The following RAB27B variants were observed in gnomAD, a reference collection of about 807,000 sequenced individuals.
RAB27B encodes RAB27B, member RAS oncogene family.
In RAB27B, 15 loss-of-function variants were observed where a neutral mutation model predicts 24.6. The ratio of observed to expected loss-of-function variants is 0.61; its 90% CI spans 0.41 to 0.94. RAB27B has a LOEUF of 0.94. Ranked by LOEUF, RAB27B falls within the 40% of genes least tolerant of loss-of-function variation. The probability of loss-of-function intolerance (pLI) is 0.00; values close to 1 mark genes in which losing one functional copy is unlikely to be tolerated. For missense variants in RAB27B, 261 were observed against 266.8 expected, an observed-to-expected ratio of 0.98 and a Z score of 0.15; for synonymous variants, 105 against 92.5, an observed-to-expected ratio of 1.14 and a Z score of -0.78.
chr18:54,793,096 GTT>G (rs5825089), intron 2 of RAB27B, among the ~76,000 whole-genome samples: 195 of 147,710 alleles, frequency 1.3e-3, no homozygotes, highest in Middle Eastern at 7.0e-3. Flanking sequence ...ATCAACTGTA[GTT>G]TTTTTTTTTT....
intron 2 of RAB27B, among the ~76,000 whole-genome samples, chr18:54,753,029 G>A (rs748438810): frequency 1.3e-5 from 2 of 152,166 alleles, no homozygotes; most frequent in African/African-American, 2.4e-5. Context: ...GCTAGTGACT[G>A]AGAATTTTGG....
At chr18:54,775,289 T>C (rs547298008) in intron 2 of RAB27B, among the ~76,000 whole-genome samples, 2 of 152,310 alleles carry the variant, frequency 1.3e-5, no homozygotes, top group African/African-American at 4.8e-5. Context: ...ATGGAGCAGC[T>C]GCGCTTCAGA....
intron 2 of RAB27B, among the ~76,000 whole-genome samples, chr18:54,805,295 C>G (rs1253763813): frequency 2.6e-5 from 4 of 152,136 alleles, no homozygotes; most frequent in Non-Finnish European, 5.9e-5. Context: ...TGGCATTCAT[C>G]CGTGGGAAAG....
intron 2 of RAB27B, among the ~76,000 whole-genome samples, chr18:54,729,961 C>A (rs907377184): frequency 6.6e-6 from 1 of 152,116 alleles, no homozygotes; most frequent in Non-Finnish European, 1.5e-5. Flanking sequence ...GCTGAAGACT[C>A]TTTTTCTCCA....
intron 1 of RAB27B, among the ~76,000 whole-genome samples, 181 bp from the exon 2 acceptor site, chr18:54,877,386 G>C (rs1371675720): frequency 6.6e-6 from 1 of 152,100 alleles, no homozygotes; most frequent in East Asian, 1.9e-4. Context: ...GATTTGTACT[G>C]AGTAAAACAT....
intron 1 of RAB27B, among the ~76,000 whole-genome samples, chr18:54,850,869 G>A (rs974397492): frequency 6.6e-6 from 1 of 151,502 alleles, no homozygotes; most frequent in Admixed American, 6.6e-5. Flanking sequence ...AGAGTGTTGT[G>A]TTGTGTTGTA....
intron 2 of RAB27B, among the ~76,000 whole-genome samples, chr18:54,792,574 G>A (rs1909284624): frequency 6.6e-6 from 1 of 152,158 alleles, no homozygotes; most frequent in African/African-American, 2.4e-5. Context: ...ATGCAAGATA[G>A]TGAATAAATT....
At chr18:54,807,425 A>G (rs534173311) in intron 2 of RAB27B, among the ~76,000 whole-genome samples, 21 of 152,258 alleles carry the variant, frequency 1.4e-4, no homozygotes, top group African/African-American at 4.8e-4. Flanking sequence ...ACAAGCTTTA[A>G]ACAAGTCCTT....
intron 1 of RAB27B, among the ~76,000 whole-genome samples, chr18:54,857,627 C>T (rs143913894): frequency 4.6e-5 from 7 of 152,308 alleles, no homozygotes; most frequent in Non-Finnish European, 1.0e-4. Context: ...CATGCACGAG[C>T]TTAATGATGG....
chr18:54,803,048 T>C (rs1909659817), intron 2 of RAB27B, among the ~76,000 whole-genome samples: 1 of 152,090 alleles, frequency 6.6e-6, no homozygotes, highest in Non-Finnish European at 1.5e-5. Context: ...CTGAAATACA[T>C]GAGTGAAAAA....
At chr18:54,806,157 TG>T (rs1909784699) in intron 2 of RAB27B, among the ~76,000 whole-genome samples, 1 of 152,196 alleles carries the variant, frequency 6.6e-6, no homozygotes, top group South Asian at 2.1e-4. Context: ...CCACATCCTG[TG>T]CTCTGTGGAG....
At chr18:54,871,673 A>G (rs1046880842) in intron 1 of RAB27B, among the ~76,000 whole-genome samples, 3 of 151,888 alleles carry the variant, frequency 2.0e-5, no homozygotes, top group Non-Finnish European at 2.9e-5. Flanking sequence ...ACACGGTGAA[A>G]CCCCGTCTCT....
In RAB27B at chr18:54,887,361, G is replaced by A. The variant is rs1913186867; in HGVS notation, c.344-634G>A. Among the ~76,000 whole-genome samples the A allele has an allele frequency of 2.0e-5, 3 of 151,980 alleles. No homozygotes were observed. The South Asian group carries it at 6.2e-4, about 32-fold the overall frequency. ...CATCTCAGGGAGCATTTCCCCAGATGTATTCCGTATTTACTGAATACTTAC... is the reference window on the plus strand; with the variant it reads ...CATCTCAGGGAGCATTTCCCCAGATATATTCCGTATTTACTGAATACTTAC... On this transcript the variant is annotated intron_variant, in intron 4 of 5. Coordinates refer to ENST00000262094, the MANE Select transcript of RAB27B (RefSeq NM_004163.4).
chr18:54,773,178 T>C (rs1206672904), intron 2 of RAB27B, among the ~76,000 whole-genome samples: 1 of 152,228 alleles, frequency 6.6e-6, no homozygotes, highest in Non-Finnish European at 1.5e-5. Context: ...TCTAAAGCAC[T>C]AAAGGAAATA....
intron 2 of RAB27B, among the ~76,000 whole-genome samples, chr18:54,788,539 G>C (rs1598905169): frequency 6.6e-6 from 1 of 152,296 alleles, no homozygotes; most frequent in South Asian, 2.1e-4. Context: ...CTGACCTCAA[G>C]TGCTCCTCCT....
chr18:54,835,885 C>G (rs563319644), intron 1 of RAB27B, among the ~76,000 whole-genome samples: 6 of 152,066 alleles, frequency 3.9e-5, no homozygotes, highest in African/African-American at 9.7e-5. Flanking sequence ...CTAGGAAAAC[C>G]AAGAAGACAA....
At chr18:54,774,202 T>G (rs557670540) in intron 2 of RAB27B, among the ~76,000 whole-genome samples, 32 of 152,202 alleles carry the variant, frequency 2.1e-4, no homozygotes, top group Non-Finnish European at 4.1e-4. Flanking sequence ...AATCATGTAT[T>G]ACTATTCAGA....
chr18:54,753,884 T>G (rs2145037245), intron 2 of RAB27B, among the ~76,000 whole-genome samples: 1 of 152,132 alleles, frequency 6.6e-6, no homozygotes, highest in South Asian at 2.1e-4. Context: ...ACACTTGGGG[T>G]TTAGAAGAAA....
chr18:54,854,957 T>G (rs1285449254), intron 1 of RAB27B, among the ~76,000 whole-genome samples: 1 of 152,218 alleles, frequency 6.6e-6, no homozygotes, highest in East Asian at 1.9e-4. Context: ...TTACATTTGT[T>G]GTACACCTTA....
Sources: gnomAD v4.1 joint callset for allele counts (sites outside exome capture counted in the v4.1 genomes callset) on GRCh38, gnomAD v4.1.1 for gene constraint, MANE v1.5 for transcripts, NCBI Gene and HGNC (gene_info 2026-07-23, HGNC 2026-07-21) for gene names.